The following SMARCAD1 variants were observed in gnomAD, a reference collection of about 807,000 sequenced individuals.
SMARCAD1 encodes the protein SWI/SNF-related matrix-associated actin-dependent regulator of chromatin subfamily A containing DEAD/H box 1.
SMARCAD1 carries 25 observed loss-of-function variants against 127.1 expected under a neutral mutation model. The observed-to-expected ratio is 0.20, with a 90% CI of 0.14 to 0.27. The LOEUF is 0.27. SMARCAD1 is among the 10% of genes least tolerant of loss of function. The pLI is 1.00. For synonymous variants in SMARCAD1, 400 were observed against 396.9 expected, an observed-to-expected ratio of 1.01 and a Z score of -0.09; for missense variants, 807 against 1,206.0, an observed-to-expected ratio of 0.67 and a Z score of 4.90.
chr4:94,225,443 G>T (rs368017848), intron 2 of SMARCAD1, among the ~76,000 whole-genome samples: 1 of 152,056 alleles, frequency 6.6e-6, no homozygotes, highest in African/African-American at 2.4e-5. Context: ...TAATTTTGAG[G>T]GTACAATCTC....
intron 7 of SMARCAD1, among the ~76,000 whole-genome samples, chr4:94,250,490 C>A (rs554285774): frequency 1.3e-5 from 2 of 152,128 alleles, no homozygotes; most frequent in African/African-American, 4.8e-5. Context: ...ATTTCTTGAT[C>A]CTCTAGTGTT....
intron 2 of SMARCAD1, among the ~76,000 whole-genome samples, chr4:94,223,454 C>G (rs1416228001): frequency 2.6e-5 from 4 of 152,182 alleles, no homozygotes; most frequent in African/African-American, 9.6e-5. Flanking sequence ...GATCACGCCA[C>G]TGTACTCTAG....
chr4:94,251,280 T>A (rs1490307786), intron 8 of SMARCAD1, among the ~76,000 whole-genome samples: 1 of 152,156 alleles, frequency 6.6e-6, no homozygotes, highest in Non-Finnish European at 1.5e-5. Flanking sequence ...TTTGGAACAC[T>A]CTTAATTCTA....
intron 10 of SMARCAD1, among the ~76,000 whole-genome samples, chr4:94,267,326 A>G (rs867408801): frequency 2.0e-5 from 3 of 152,306 alleles, no homozygotes; most frequent in African/African-American, 4.8e-5. Context: ...CATTTCTGTC[A>G]CTACAGACTA....
chr4:94,237,069 A>G, intron 5 of SMARCAD1, 51 bp downstream of exon 5: 1 of 1,372,216 alleles, frequency 7.3e-7, no homozygotes, highest in Non-Finnish European at 1.0e-6. Flanking sequence ...ACGTCATAAT[A>G]ATAGTACCTT....
At chr4:94,275,796 CTTTTT>C (rs535710589) in intron 14 of SMARCAD1, among the ~76,000 whole-genome samples, 8 of 85,410 alleles carry the variant, frequency 9.4e-5, no homozygotes, top group Non-Finnish European at 1.3e-4. Flanking sequence ...TTAACATTTT[CTTTTT>C]TTTTTTTTTT....
intron 8 of SMARCAD1, among the ~76,000 whole-genome samples, chr4:94,251,197 C>G (rs897747027): frequency 2.3e-4 from 35 of 152,094 alleles, no homozygotes; most frequent in African/African-American, 8.2e-4. Flanking sequence ...ATGTAGATGT[C>G]TTAGCCTATA....
At chr4:94,217,415 T>TATG (rs1743367662) in intron 2 of SMARCAD1, among the ~76,000 whole-genome samples, 1 of 152,206 alleles carries the variant, frequency 6.6e-6, no homozygotes, top group Non-Finnish European at 1.5e-5. Context: ...GTGTCATATA[T>TATG]ATGATGTATC....
At chr4:94,221,138 A>G (rs897002172) in intron 2 of SMARCAD1, among the ~76,000 whole-genome samples, 2 of 152,224 alleles carry the variant, frequency 1.3e-5, no homozygotes, top group African/African-American at 4.8e-5. Flanking sequence ...GAATTTTGGA[A>G]AACTAGTGTC....
intron 2 of SMARCAD1, among the ~76,000 whole-genome samples, chr4:94,221,989 G>A (rs1744218728): frequency 6.6e-6 from 1 of 152,180 alleles, no homozygotes; most frequent in East Asian, 1.9e-4. Flanking sequence ...TATGGGGGGT[G>A]TAAAACTGGT....
intron 9 of SMARCAD1, among the ~76,000 whole-genome samples, chr4:94,254,603 AT>A (rs1232709698): frequency 6.6e-6 from 1 of 152,162 alleles, no homozygotes; most frequent in Non-Finnish European, 1.5e-5. Flanking sequence ...GAGATTATGC[AT>A]TACTTACTTA....
intron 4 of SMARCAD1, among the ~76,000 whole-genome samples, chr4:94,236,748 C>G (rs1313724853): frequency 6.6e-6 from 1 of 152,140 alleles, no homozygotes; most frequent in African/African-American, 2.4e-5. Flanking sequence ...CAACCTGATA[C>G]ATTTTAAAAT....
chr4:94,223,450 G>A (rs1445150664), intron 2 of SMARCAD1, among the ~76,000 whole-genome samples: 2 of 152,058 alleles, frequency 1.3e-5, no homozygotes, highest in South Asian at 2.1e-4. Context: ...CTGAGATCAC[G>A]CCACTGTACT....
Position 94,290,564 on chromosome 4 carries a change from C to A in SMARCAD1, c.*1030C>A. ...TATCAAAATATATTTTACCAGTTTC[C>A]AGAATTTCCAGTACAGGACCGCCTG... On this transcript the variant is annotated 3_prime_UTR_variant, in exon 24 of 24. Coordinates refer to ENST00000354268, the MANE Select transcript of SMARCAD1 (RefSeq NM_020159.5). The A allele has an allele frequency of 2.2e-6, 1 of 454,418 alleles. No individual in the cohort carries two copies. The highest frequency in any genetic ancestry group is 4.4e-6 in the Non-Finnish European group (1 of 226,724). 28.1% of individuals were successfully genotyped at this position (454,418 alleles called of 1,614,324 possible). A position where few individuals can be genotyped will look rare whatever the true frequency, so the allele number is the denominator to read the frequency against.
intron 1 of SMARCAD1, 124 bp downstream of exon 1, chr4:94,208,194 T>C: frequency 1.4e-6 from 1 of 709,260 alleles, no homozygotes; most frequent in Non-Finnish European, 2.6e-6. Flanking sequence ...CACCTTCTAA[T>C]TGTTGCGGCC....
intron 5 of SMARCAD1, among the ~76,000 whole-genome samples, chr4:94,239,008 C>T (rs1747149398): frequency 6.6e-6 from 1 of 152,052 alleles, no homozygotes. Context: ...TTTCTTATTC[C>T]ATTGTACTTC....
intron 9 of SMARCAD1, 126 bp downstream of exon 9, chr4:94,253,133 A>G (rs570510105): frequency 6.5e-7 from 1 of 1,544,296 alleles, no homozygotes; most frequent in South Asian, 1.1e-5. Flanking sequence ...GTAAAGTCAA[A>G]CATTACTTTC....
intron 4 of SMARCAD1, among the ~76,000 whole-genome samples, chr4:94,234,677 G>T (rs913415804): frequency 1.3e-5 from 2 of 152,118 alleles, no homozygotes; most frequent in South Asian, 4.1e-4. Context: ...TTTAGTTTTA[G>T]GTAGAGAATA....
At chr4:94,248,352 C>T (rs1394751699) in intron 6 of SMARCAD1, 1 of 386,096 alleles carries the variant, frequency 2.6e-6, no homozygotes, top group African/African-American at 2.1e-5. Flanking sequence ...AACAAATGAA[C>T]AACTGAAGTT....
Sources: gnomAD v4.1 joint callset for allele counts (sites outside exome capture counted in the v4.1 genomes callset) on GRCh38, gnomAD v4.1.1 for gene constraint, MANE v1.5 for transcripts, NCBI Gene and HGNC (gene_info 2026-07-23, HGNC 2026-07-21) for gene names.